Variants in TOM1L1 observed in about 807,000 individuals in gnomAD.
The protein encoded by TOM1L1 is target of myb1 like 1 membrane trafficking protein, also known as TOM1-like protein 1.
In TOM1L1, 64 loss-of-function variants were observed where a neutral mutation model predicts 63.4. The observed-to-expected ratio is 1.01, with a 90% CI of 0.83 to 1.24. The LOEUF is 1.24. Ranked by LOEUF, TOM1L1 falls within the 50% of genes most tolerant of loss-of-function variation. The pLI is 0.00. For missense variants in TOM1L1, 536 were observed against 567.0 expected (o/e 0.95, Z 0.55); for synonymous variants, 166 against 194.4 (o/e 0.85, Z 1.22).
chr17:54,950,047 A>G lies in TOM1L1; in HGVS notation c.1291A>G (p.Met431Val). The G allele has an allele frequency of 3.1e-6, 5 of 1,613,468 alleles. No homozygotes were observed. Among genetic ancestry groups the G allele is most frequent in the Non-Finnish European group, 4.2e-6 (5 of 1,179,742 alleles). Residue 431 changes from methionine to valine, a missense_variant and splice_region_variant, in exon 14 of 16, where the codon ATG becomes GTG. By Grantham distance (21) the Met-to-Val change is conservative. Coordinates refer to ENST00000575882, the MANE Select transcript of TOM1L1 (RefSeq NM_005486.3). ...LPPLPSNHPA[M>V]TKSDLQPPNY... ...CTGGTCTCTTTTTTTGCCCAAAGCG[A>G]TGACAAAAAGTGATCTCCAGCCACC...
At chr17:54,911,889 G>A (rs2048503104) in intron 3 of TOM1L1, among the ~76,000 whole-genome samples, 1 of 152,100 alleles carries the variant, frequency 6.6e-6, no homozygotes, top group Non-Finnish European at 1.5e-5. Flanking sequence ...TAACTTCATA[G>A]TGCCTTCAAG....
At chr17:54,902,181 A>T (rs1345997092) in intron 1 of TOM1L1, among the ~76,000 whole-genome samples, 7 of 152,178 alleles carry the variant, frequency 4.6e-5, no homozygotes, top group African/African-American at 1.7e-4. Context: ...AACTTAGGAG[A>T]AGGGAGAAAT....
intron 3 of TOM1L1, among the ~76,000 whole-genome samples, chr17:54,907,639 G>A (rs1010369106): frequency 2.6e-5 from 4 of 152,044 alleles, no homozygotes; most frequent in Admixed American, 1.3e-4. Context: ...CCTAGTATCC[G>A]GGAAGACTCA....
intron 7 of TOM1L1, among the ~76,000 whole-genome samples, chr17:54,925,749 C>T (rs2048757841): frequency 6.6e-6 from 1 of 152,062 alleles, no homozygotes; most frequent in African/African-American, 2.4e-5. Context: ...ACTAAAAATA[C>T]AAATATCAGC....
At chr17:54,954,019 C>T (rs1365192578) in intron 14 of TOM1L1, 2 of 152,162 alleles carry the variant, frequency 1.3e-5, no homozygotes, top group African/African-American at 4.8e-5. Flanking sequence ...TTGCTTCCCT[C>T]ATACCTCTGA....
At chr17:54,934,659 A>G (rs994432825) in intron 8 of TOM1L1, among the ~76,000 whole-genome samples, 2 of 152,114 alleles carry the variant, frequency 1.3e-5, no homozygotes, top group Non-Finnish European at 2.9e-5. Context: ...AAGGTTGTTC[A>G]TACCCAGCAC....
intron 14 of TOM1L1, among the ~76,000 whole-genome samples, chr17:54,960,057 GAGACATAGGAATTGCAACAAT>G (rs2077075372): frequency 6.6e-6 from 1 of 152,050 alleles, no homozygotes; most frequent in African/African-American, 2.4e-5. Flanking sequence ...ATACTTTTAA[GAGACATAGGAATTGCAACAAT>G]AAGGCCGGGT....
At chr17:54,960,676 A>C in intron 15 of TOM1L1, 49 bp downstream of exon 15, 2 of 1,379,010 alleles carry the variant, frequency 1.5e-6, no homozygotes, top group South Asian at 2.3e-5. Context: ...ATATAATTTC[A>C]GTATAATTAT....
chr17:54,926,690 G>C (rs572734017), intron 7 of TOM1L1, among the ~76,000 whole-genome samples: 1 of 151,622 alleles, frequency 6.6e-6, no homozygotes, highest in Non-Finnish European at 1.5e-5. Context: ...CATCCTCCCA[G>C]ACCATTCTTG....
At chr17:54,957,017 A>G (rs951195486) in intron 14 of TOM1L1, 2 of 152,210 alleles carry the variant, frequency 1.3e-5, no homozygotes, top group African/African-American at 4.8e-5. Context: ...CCATCTGTAA[A>G]TTGCTGAGGT....
rs200659319 is a variant in TOM1L1, at chr17:54,913,865, A to G, written c.490A>G (p.Arg164Gly). The change falls in exon 5 of 16, where the codon AGA (arginine) becomes GGA (glycine). Residue 164 changes from arginine to glycine, a missense_variant. Transcript: ENST00000575882. ...PPSEAEAETA[R>G]QETAQISSNP... Reference sequence around the variant, plus strand: ...CTCAGAAGCAGAGGCTGAAACAGCAAGACAAGAGGTAGGAGGCCTTTCTTT... The same window carrying G: ...CTCAGAAGCAGAGGCTGAAACAGCAGGACAAGAGGTAGGAGGCCTTTCTTT... The G allele has an allele frequency of 5.6e-4, 906 of 1,607,504 alleles. No homozygotes were observed. The highest frequency in any genetic ancestry group is 7.3e-4 in the Non-Finnish European group (853 of 1,175,916).
chr17:54,945,443 T>C (rs1029842311), intron 11 of TOM1L1, among the ~76,000 whole-genome samples: 1 of 152,226 alleles, frequency 6.6e-6, no homozygotes, highest in Admixed American at 6.5e-5. Context: ...ATGTTTTTAG[T>C]CTTTCTTTTC....
chr17:54,919,257 T>A (rs1479652000), intron 7 of TOM1L1, among the ~76,000 whole-genome samples: 1 of 152,194 alleles, frequency 6.6e-6, no homozygotes, highest in Non-Finnish European at 1.5e-5. Context: ...AATTGAAAAA[T>A]TAAATATCAA....
intron 15 of TOM1L1, 101 bp downstream of exon 15, chr17:54,960,728 G>C (rs1187011536): frequency 1.5e-5 from 13 of 847,916 alleles, no homozygotes; most frequent in Non-Finnish European, 2.5e-5. Context: ...AGGGCCATCT[G>C]AGTCTGACAC....
intron 6 of TOM1L1, among the ~76,000 whole-genome samples, chr17:54,915,137 C>T (rs1334205804): frequency 1.3e-5 from 2 of 152,112 alleles, no homozygotes. Flanking sequence ...ATTGTATTTA[C>T]TTCTTTGTGT....
chr17:54,933,066 T>C (rs1300204525), intron 8 of TOM1L1, among the ~76,000 whole-genome samples: 1 of 152,236 alleles, frequency 6.6e-6, no homozygotes, highest in African/African-American at 2.4e-5. Context: ...AGAAAGATAC[T>C]AGTCTCCTAG....
In TOM1L1 at chr17:54,961,051, C is replaced by A. The variant is rs879131376; in HGVS notation, c.*2-184C>A. ...TCCCATGTATTTACTATTTAATGGT[C>A]ACCAATGAACTATCAAAACTTATTT... On this transcript the variant is annotated intron_variant, in intron 15 of 15. Coordinates refer to ENST00000575882, the MANE Select transcript of TOM1L1 (RefSeq NM_005486.3). 1.5e-5 allele frequency: 9 copies of A among 599,558 alleles called. No individual in the cohort carries two copies. In the Admixed American group the frequency reaches 2.1e-4, roughly 14 times the overall value. 37.1% of individuals were successfully genotyped at this position (599,558 alleles called of 1,614,324 possible).
Position 54,961,328 on chromosome 17 carries a change from T to C in TOM1L1, c.*95T>C. On this transcript the variant is annotated 3_prime_UTR_variant, in exon 16 of 16. Coordinates refer to ENST00000575882, the MANE Select transcript of TOM1L1 (RefSeq NM_005486.3). Reference sequence around the variant, plus strand: ...GCTTTGAAGCCTGGAAGACAATACCTACCAACATGTCAAAGCCATGGTGGC... The same window carrying C: ...GCTTTGAAGCCTGGAAGACAATACCCACCAACATGTCAAAGCCATGGTGGC... The C allele has an allele frequency of 1.3e-6, 2 of 1,551,514 alleles. No individual in the cohort carries two copies. The highest frequency in any genetic ancestry group is 1.7e-6 in the Non-Finnish European group (2 of 1,146,870).
At chr17:54,922,737 A>C (rs752371190) in intron 7 of TOM1L1, among the ~76,000 whole-genome samples, 6 of 152,198 alleles carry the variant, frequency 3.9e-5, no homozygotes, top group Admixed American at 2.0e-4. Context: ...AGAAGAAGAG[A>C]AATTGATCTT....
Sources: allele counts gnomAD v4.1 joint callset (sites outside exome capture counted in the v4.1 genomes callset), GRCh38; gene constraint gnomAD v4.1.1; transcripts MANE v1.5; gene names NCBI Gene and HGNC (gene_info 2026-07-23, HGNC 2026-07-21).